Variants in STK3 observed in about 807,000 individuals in gnomAD.
STK3 encodes serine/threonine kinase 3.
In STK3, 41 loss-of-function variants were observed where a neutral mutation model predicts 58.0. That is an observed-to-expected ratio of 0.71 (90% CI 0.55 to 0.92). The LOEUF (loss-of-function observed/expected upper bound fraction) is 0.92, where lower values mean the gene tolerates loss of function less well. Among genes scored for constraint, STK3 ranks in the 40% least tolerant of loss-of-function variants. The pLI, the probability that STK3 is intolerant of heterozygous loss-of-function variation, is 0.00. For missense variants in STK3, 479 were observed against 602.7 expected, an observed-to-expected ratio of 0.79 and a Z score of 2.15; for synonymous variants, 170 against 191.0, an observed-to-expected ratio of 0.89 and a Z score of 0.91.
chr8:98,474,883 G>A (rs765182720), intron 10 of STK3, among the ~76,000 whole-genome samples: 28 of 152,080 alleles, frequency 1.8e-4, no homozygotes, highest in South Asian at 4.1e-4. Flanking sequence ...GTGAATATAG[G>A]ACTGGGCCTT....
chr8:98,905,699 C>A (rs898454293), intron 1 of STK3: 2 of 660,608 alleles, frequency 3.0e-6, no homozygotes, highest in African/African-American at 3.6e-5. Flanking sequence ...GTGGCAGCGG[C>A]GGAGGTAGCT....
chr8:98,743,423 T>C (rs1350839605), intron 4 of STK3, among the ~76,000 whole-genome samples: 3 of 152,042 alleles, frequency 2.0e-5, no homozygotes, highest in Non-Finnish European at 4.4e-5. Flanking sequence ...CCCTCAGAAA[T>C]AATGCTTCAT....
Position 98,548,013 on chromosome 8 carries a change from A to G in STK3, c.1097T>C (p.Val366Ala), listed in dbSNP as rs764276576. The G allele has an allele frequency of 1.4e-5, 23 of 1,608,558 alleles. No homozygotes were observed. Among genetic ancestry groups the G allele is most frequent in the Non-Finnish European group, 1.9e-5 (22 of 1,177,706 alleles). ...TTCTTCCTCATCCTCACTGTTTATC[A>G]CCATGGTCCCCAAGTCGGATTCCAA... Reference protein sequence around the residue: ...TMLESDLGTMVINSEDEEEED... With the variant: ...TMLESDLGTMAINSEDEEEED... The change falls in exon 9 of 11, where the codon GTG becomes GCG. Residue 366 changes from valine to alanine, a missense_variant. This residue lies in a region of STK3 where 309 missense variants were observed against 355.7 expected (regional missense o/e 0.87). Coordinates refer to ENST00000419617, the MANE Select transcript of STK3 (RefSeq NM_006281.4).
At chr8:98,451,899 CA>C (rs66941470), downstream of STK3, among the ~76,000 whole-genome samples, 55,146 of 138,920 alleles carry the variant, frequency 0.4, 10,457 homozygotes, top group East Asian at 0.48. Context: ...AAAAAAAAAA[CA>C]AAAAAAAAAA....
the STK3 span, among the ~76,000 whole-genome samples, chr8:98,365,422 A>C: frequency 2.6e-5 from 4 of 152,188 alleles, no homozygotes; most frequent in African/African-American, 4.8e-5. Context: ...GATGAAGAGA[A>C]GGGAGGGAGG....
At chr8:98,680,758 A>C (rs1417041384) in intron 6 of STK3, among the ~76,000 whole-genome samples, 1 of 152,210 alleles carries the variant, frequency 6.6e-6, no homozygotes, top group Non-Finnish European at 1.5e-5. Flanking sequence ...TTTTATCCAA[A>C]ACTACAAACG....
intron 2 of STK3, among the ~76,000 whole-genome samples, chr8:98,376,167 G>A (rs1817672184): frequency 6.6e-6 from 1 of 152,128 alleles, no homozygotes; most frequent in Non-Finnish European, 1.5e-5. Flanking sequence ...TTTCCCTAAT[G>A]GCTAATTTTA....
At chr8:98,853,952 A>G (rs1584290) in intron 3 of STK3, among the ~76,000 whole-genome samples, 47,062 of 152,008 alleles carry the variant, frequency 0.31, 8,840 homozygotes, top group South Asian at 0.56. Context: ...TCTTCCAAAA[A>G]TAGAAGAGGC....
intron 6 of STK3, among the ~76,000 whole-genome samples, chr8:98,607,044 CAGT>C (rs1816833263): frequency 6.6e-6 from 1 of 151,982 alleles, no homozygotes; most frequent in Admixed American, 6.6e-5. Context: ...GGATGGTTAG[CAGT>C]AGAACAGAAC....
intron 4 of STK3, among the ~76,000 whole-genome samples, chr8:98,712,808 C>T (rs1359084107): frequency 6.6e-6 from 1 of 152,178 alleles, no homozygotes; most frequent in African/African-American, 2.4e-5. Context: ...CAGAACTCTC[C>T]ACCCCAAATC....
chr8:98,426,589 C>T (rs538290616), intron 3 of STK3, among the ~76,000 whole-genome samples: 98 of 152,276 alleles, frequency 6.4e-4, no homozygotes, highest in African/African-American at 2.3e-3. Flanking sequence ...TGTTCCCCAA[C>T]AACCCCACCC....
At chr8:98,373,752 A>G (rs942999092) in intron 2 of STK3, among the ~76,000 whole-genome samples, 12 of 152,152 alleles carry the variant, frequency 7.9e-5, no homozygotes, top group Non-Finnish European at 1.3e-4. Context: ...TTTTTTGTGA[A>G]TGTCTTATAT....
At chr8:98,549,968 C>G (rs1811028873) in intron 8 of STK3, among the ~76,000 whole-genome samples, 1 of 152,160 alleles carries the variant, frequency 6.6e-6, no homozygotes, top group East Asian at 1.9e-4. Context: ...GATGGTGCCA[C>G]TGCTCTCCAG....
intron 6 of STK3, among the ~76,000 whole-genome samples, chr8:98,687,377 CA>C (rs1824079181): frequency 6.6e-6 from 1 of 152,180 alleles, no homozygotes; most frequent in South Asian, 2.1e-4. Flanking sequence ...GTGCAGTTCA[CA>C]AAAGGGTTCA....
chr8:98,934,894 G>A (rs946521227), intron 1 of STK3, among the ~76,000 whole-genome samples: 3 of 134,466 alleles, frequency 2.2e-5, no homozygotes, highest in Non-Finnish European at 3.5e-5. Flanking sequence ...TCCAGCCTGG[G>A]CAACAGAGCG....
chr8:98,803,380 A>G (rs1587664101), intron 1 of STK3, among the ~76,000 whole-genome samples: 1 of 152,070 alleles, frequency 6.6e-6, no homozygotes, highest in Non-Finnish European at 1.5e-5. Flanking sequence ...TCACGAGGTC[A>G]GGAGATGGAG....
intron 8 of STK3, among the ~76,000 whole-genome samples, chr8:98,559,608 TTC>T (rs894136462): frequency 6.6e-6 from 1 of 152,144 alleles, no homozygotes; most frequent in Admixed American, 6.6e-5. Flanking sequence ...TTTGCCTGAG[TTC>T]TCCCTTGGGA....
intron 6 of STK3, among the ~76,000 whole-genome samples, chr8:98,640,911 TATA>T (rs1308288672): frequency 2.6e-4 from 39 of 151,098 alleles, no homozygotes; most frequent in Middle Eastern, 3.8e-3. Flanking sequence ...TATTTAAGAG[TATA>T]ATATGTTTAT....
intron 1 of STK3, among the ~76,000 whole-genome samples, chr8:98,819,780 A>G (rs1306179550): frequency 1.3e-5 from 2 of 152,132 alleles, no homozygotes; most frequent in Non-Finnish European, 2.9e-5. Flanking sequence ...ACACAATTTT[A>G]CTTTCCAACA....
Sources: allele counts gnomAD v4.1 joint callset (sites outside exome capture counted in the v4.1 genomes callset), GRCh38; gene constraint gnomAD v4.1.1; regional missense constraint gnomAD v4.1.1; transcripts MANE v1.5; gene names NCBI Gene and HGNC (gene_info 2026-07-23, HGNC 2026-07-21).